Variants in SRFBP1 observed in about 807,000 individuals in gnomAD.
The protein encoded by SRFBP1 is serum response factor binding protein 1.
In SRFBP1, 47 loss-of-function variants were observed where a neutral mutation model predicts 45.5. The ratio of observed to expected loss-of-function variants is 1.03; its 90% CI spans 0.82 to 1.32. The LOEUF (loss-of-function observed/expected upper bound fraction) is 1.32. Ranked by LOEUF, SRFBP1 falls within the 40% of genes most tolerant of loss-of-function variation. The pLI is 0.00. For synonymous variants in SRFBP1, 203 were observed against 166.3 expected, an observed-to-expected ratio of 1.22 and a Z score of -1.70; for missense variants, 621 against 484.6, an observed-to-expected ratio of 1.28 and a Z score of -2.64.
intron 2 of SRFBP1, among the ~76,000 whole-genome samples, chr5:122,062,324 C>T (rs986193607): frequency 4.0e-5 from 6 of 151,840 alleles, no homozygotes; most frequent in African/African-American, 7.3e-5. Context: ...CAAATTACTA[C>T]GATGAAAGTG....
At chr5:122,071,651 A>G (rs1754456150) in intron 2 of SRFBP1, among the ~76,000 whole-genome samples, 1 of 152,206 alleles carries the variant, frequency 6.6e-6, no homozygotes, top group Non-Finnish European at 1.5e-5. Context: ...GTTCTTCACA[A>G]AAAGTTTTAA....
At chr5:121,967,869 TA>T (rs1380123746) in intron 1 of SRFBP1, among the ~76,000 whole-genome samples, 1 of 152,196 alleles carries the variant, frequency 6.6e-6, no homozygotes, top group African/African-American at 2.4e-5. Flanking sequence ...ATAATTTTGT[TA>T]ACTATGAATT....
Position 121,994,689 on chromosome 5 carries a change from A to T in SRFBP1, c.270+19A>T. The T allele has an allele frequency of 1.3e-6, 2 of 1,483,214 alleles. No individual in the cohort carries two copies. Among genetic ancestry groups the T allele is most frequent in the Non-Finnish European group, 1.8e-6 (2 of 1,092,266 alleles). The allele number at this position is 1,483,214 out of a possible 1,614,324, so 91.9% of individuals were successfully genotyped here. ...CAAAAAGGTATATCTGCAATAGATT[A>T]TATTTGTCTTATGAAAAGTTTCTCA... On this transcript the variant is annotated intron_variant, in intron 4 of 7. Transcript: ENST00000339397.
chr5:122,073,907 T>TA, intron 2 of SRFBP1: 1 of 1,044,944 alleles, frequency 9.6e-7, no homozygotes, highest in Non-Finnish European at 1.4e-6. Context: ...ATCCTTTTGA[T>TA]AAAAATGTGT....
At chr5:121,976,111 G>A (rs1326389568) in intron 3 of SRFBP1, among the ~76,000 whole-genome samples, 2 of 151,510 alleles carry the variant, frequency 1.3e-5, no homozygotes, top group Admixed American at 6.6e-5. Context: ...TTTGAATTAA[G>A]TAAAAGAGAA....
At chr5:122,039,144 A>C (rs1293263620) in intron 2 of SRFBP1, among the ~76,000 whole-genome samples, 2 of 152,204 alleles carry the variant, frequency 1.3e-5, no homozygotes, top group African/African-American at 4.8e-5. Flanking sequence ...TGTCCTCTGT[A>C]TCTCTCATAT....
At chr5:121,970,881 A>G (rs1235404870) in intron 1 of SRFBP1, among the ~76,000 whole-genome samples, 1 of 152,102 alleles carries the variant, frequency 6.6e-6, no homozygotes, top group Non-Finnish European at 1.5e-5. Flanking sequence ...CATTAAAAAT[A>G]ATCAGATTAA....
At chr5:122,002,950 G>A (rs889390815) in intron 4 of SRFBP1, among the ~76,000 whole-genome samples, 1 of 152,108 alleles carries the variant, frequency 6.6e-6, no homozygotes, top group African/African-American at 2.4e-5. Flanking sequence ...AAATTTTAAG[G>A]CATTTTATGG....
chr5:121,963,375 C>T (rs535836806), intron 1 of SRFBP1, among the ~76,000 whole-genome samples: 1 of 152,004 alleles, frequency 6.6e-6, no homozygotes, highest in East Asian at 1.9e-4. Flanking sequence ...TGCCAGAAAG[C>T]GTTTGGTGGG....
rs535032095 is a variant in SRFBP1, at chr5:122,074,018, T to A, written n.312-1297T>A. Reference sequence around the variant, plus strand: ...ATTTCAGGGTGCCAACATACCTGTGTGTGTGCAGTACATGCAAATCGCCTG... The same window carrying A: ...ATTTCAGGGTGCCAACATACCTGTGAGTGTGCAGTACATGCAAATCGCCTG... On this transcript the variant is annotated intron_variant and non_coding_transcript_variant, in intron 2 of 2. Transcript: ENST00000504881. The A allele has an allele frequency of 3.1e-6, 5 of 1,613,462 alleles. No individual in the cohort carries two copies. In the Admixed American group the frequency reaches 8.3e-5, roughly 27 times the overall value.
At chr5:121,966,779 A>ATT (rs1561573873) in intron 1 of SRFBP1, among the ~76,000 whole-genome samples, 2 of 150,076 alleles carry the variant, frequency 1.3e-5, no homozygotes, top group Admixed American at 1.3e-4. Flanking sequence ...TTTATTTTTT[A>ATT]TTTTTTATTT....
At chr5:122,045,280 A>G (rs1434554981) in intron 2 of SRFBP1, among the ~76,000 whole-genome samples, 2 of 152,176 alleles carry the variant, frequency 1.3e-5, no homozygotes, top group Non-Finnish European at 2.9e-5. Context: ...GTTTGAAGTC[A>G]GGTAGTGTGA....
intron 3 of SRFBP1, among the ~76,000 whole-genome samples, chr5:121,975,791 A>C (rs1490590024): frequency 2.0e-5 from 3 of 151,956 alleles, no homozygotes; most frequent in Non-Finnish European, 2.9e-5. Context: ...CAGCTCAATA[A>C]ATTTTTATGT....
chr5:122,063,762 C>G (rs1415105205), intron 2 of SRFBP1: 2 of 151,852 alleles, frequency 1.3e-5, no homozygotes, highest in Non-Finnish European at 2.9e-5. Flanking sequence ...ATGCAATCTG[C>G]TAAAGATTAA....
downstream of SRFBP1, chr5:122,076,976 G>A: frequency 1.9e-6 from 3 of 1,613,820 alleles, no homozygotes; most frequent in Middle Eastern, 1.6e-4. Flanking sequence ...GGATGTAGTA[G>A]GGGTCGGCCA....
intron 3 of SRFBP1, among the ~76,000 whole-genome samples, chr5:121,985,491 G>A (rs111295587): frequency 0.027 from 4,138 of 151,744 alleles, 198 homozygotes; most frequent in African/African-American, 0.094. Flanking sequence ...ATTAACTGGT[G>A]TGTTTTTTTA....
intron 4 of SRFBP1, among the ~76,000 whole-genome samples, chr5:122,004,467 C>G (rs1053526023): frequency 1.3e-5 from 2 of 152,048 alleles, no homozygotes; most frequent in African/African-American, 2.4e-5. Flanking sequence ...TGTCTCTATT[C>G]TGTTCTTTTG....
At chr5:122,024,196 T>TA (rs1753420706) in intron 7 of SRFBP1, among the ~76,000 whole-genome samples, 1 of 152,232 alleles carries the variant, frequency 6.6e-6, no homozygotes, top group African/African-American at 2.4e-5. Context: ...TCCAGCCAGT[T>TA]ACCTTTGTAC....
intron 3 of SRFBP1, among the ~76,000 whole-genome samples, chr5:121,981,390 C>G (rs1490497117): frequency 6.6e-6 from 1 of 151,880 alleles, no homozygotes; most frequent in African/African-American, 2.4e-5. Flanking sequence ...AATAGACTTC[C>G]TGCCTCTGGT....
Sources: allele counts gnomAD v4.1 joint callset (sites outside exome capture counted in the v4.1 genomes callset), GRCh38; gene constraint gnomAD v4.1.1; transcripts MANE v1.5; gene names NCBI Gene and HGNC (gene_info 2026-07-23, HGNC 2026-07-21).